The following PDE7A variants were observed in gnomAD, a reference collection of about 807,000 sequenced individuals.
The protein encoded by PDE7A is phosphodiesterase 7A, also known as high affinity 3',5'-cyclic-AMP phosphodiesterase 7A.
In PDE7A, 39 loss-of-function variants were observed where a neutral mutation model predicts 64.3. That is an observed-to-expected ratio of 0.61 (90% confidence interval 0.47 to 0.79). The LOEUF (loss-of-function observed/expected upper bound fraction) is 0.79. Among genes scored for constraint, PDE7A ranks in the 30% least tolerant of loss-of-function variants. The probability of loss-of-function intolerance (pLI) is 0.00; values close to 1 mark genes in which losing one functional copy is unlikely to be tolerated. For synonymous variants in PDE7A, 203 were observed against 206.8 expected (o/e 0.98, Z 0.16); for missense variants, 470 against 582.8 (o/e 0.81, Z 1.99).
chr8:65,788,439 T>C (rs1463291143), intron 1 of PDE7A, among the ~76,000 whole-genome samples: 1 of 152,198 alleles, frequency 6.6e-6, no homozygotes, highest in Non-Finnish European at 1.5e-5. Flanking sequence ...GGAGAAAACA[T>C]GATAGACGGT....
intron 3 of PDE7A, among the ~76,000 whole-genome samples, chr8:65,774,138 G>A (rs528794393): frequency 1.3e-5 from 2 of 152,282 alleles, no homozygotes; most frequent in South Asian, 4.1e-4. Flanking sequence ...TATCCTGGAA[G>A]CAACCAATGT....
chr8:65,838,798 T>G (rs538754233), intron 1 of PDE7A: 2 of 152,236 alleles, frequency 1.3e-5, no homozygotes, highest in Non-Finnish European at 2.9e-5. Context: ...GCTGTCAGTG[T>G]GAACTGACTC....
At position 65,715,605 on chromosome 8, in the gene PDE7A, C is replaced by T. The variant is rs192570093; in HGVS notation, c.*3685G>A. Among the ~76,000 whole-genome samples, 6,243 of 150,246 alleles carry T rather than the reference C, an allele frequency of 0.042. 191 individuals carry two copies. The highest frequency in any genetic ancestry group is 0.063 in the Non-Finnish European group (4,209 of 67,342). ...GTTGGCCAGACTGGTCTCGAACTCC[C>T]GACCTCAGGTGATCCACCCACCTCA... On this transcript the variant is annotated 3_prime_UTR_variant, in exon 13 of 13. Transcript: ENST00000401827.
intron 3 of PDE7A, among the ~76,000 whole-genome samples, chr8:65,775,166 C>T (rs1010389859): frequency 3.9e-5 from 6 of 152,172 alleles, no homozygotes; most frequent in South Asian, 2.1e-4. Flanking sequence ...TGAGTATGCA[C>T]GTTAGCTCCA....
At chr8:65,744,561 A>AC (rs754636067) in intron 5 of PDE7A, among the ~76,000 whole-genome samples, 1 of 152,138 alleles carries the variant, frequency 6.6e-6, no homozygotes, top group Non-Finnish European at 1.5e-5. Context: ...CCCCCAAACC[A>AC]CCCATACTCT....
At chr8:65,767,287 A>G (rs1808838452) in intron 3 of PDE7A, among the ~76,000 whole-genome samples, 1 of 152,200 alleles carries the variant, frequency 6.6e-6, no homozygotes, top group African/African-American at 2.4e-5. Context: ...TTTATGGATT[A>G]GTTGTCATGA....
At position 65,745,471 on chromosome 8, in the gene PDE7A, C is replaced by T. The variant is rs1385226064; in HGVS notation, c.436-1G>A. Reference sequence around the variant, plus strand: ...AATTTCCAACTTTTTCCAGCATACACTGAAATGAAAACCAAACATTTCTAC... The same window carrying T: ...AATTTCCAACTTTTTCCAGCATACATTGAAATGAAAACCAAACATTTCTAC... On this transcript the variant is annotated splice_acceptor_variant, in intron 4 of 12. Transcript: ENST00000401827. LOFTEE classifies it high-confidence loss of function. 2 of 1,529,636 alleles carry T rather than the reference C, an allele frequency of 1.3e-6. No homozygotes were observed. Among genetic ancestry groups the T allele is most frequent in the African/African-American group, 1.4e-5 (1 of 73,418 alleles). 94.8% of individuals were successfully genotyped at this position (1,529,636 alleles called of 1,614,324 possible). A position where few individuals can be genotyped will look rare whatever the true frequency, so the allele number is the denominator to read the frequency against.
chr8:65,757,317 C>A (rs1309418795), intron 3 of PDE7A, among the ~76,000 whole-genome samples: 1 of 152,246 alleles, frequency 6.6e-6, no homozygotes, highest in Non-Finnish European at 1.5e-5. Flanking sequence ...ATGGAAGTTA[C>A]AAGCCAGGAA....
chr8:65,794,981 C>T (rs749746009), intron 1 of PDE7A, among the ~76,000 whole-genome samples: 12 of 152,146 alleles, frequency 7.9e-5, no homozygotes, highest in Non-Finnish European at 1.5e-4. Context: ...TTGTCAGGTA[C>T]AGGCAGTGGG....
At chr8:65,836,989 C>T (rs1810964970) in intron 1 of PDE7A, among the ~76,000 whole-genome samples, 1 of 152,234 alleles carries the variant, frequency 6.6e-6, no homozygotes. Context: ...TCAACGATTA[C>T]ATAAGGCTAA....
rs1453176728 is a variant in PDE7A, at chr8:65,715,837, A to C, written c.*3453T>G. On this transcript the variant is annotated 3_prime_UTR_variant, in exon 13 of 13. Coordinates refer to ENST00000401827, the MANE Select transcript of PDE7A (RefSeq NM_001242318.3). ...TAACTCTACTAATAAAGTACAAAAA[A>C]ATTAGCAGGGCCTGGTGGCGGGCGC... is the stretch of plus-strand genomic sequence containing the variant. 1.3e-5 allele frequency among the ~76,000 whole-genome samples: 2 copies of C among 150,402 alleles called. No homozygotes were observed. Among genetic ancestry groups the C allele is most frequent in the Non-Finnish European group, 3.0e-5 (2 of 67,538 alleles).
chr8:65,715,458 A>G lies in PDE7A; in HGVS notation c.*3832T>C, dbSNP rs1055407207. On this transcript the variant is annotated 3_prime_UTR_variant, in exon 13 of 13. Coordinates refer to ENST00000401827, the MANE Select transcript of PDE7A (RefSeq NM_001242318.3). ...AGTAGCACAATCTCTGCTCCTTGCA[A>G]CCTCCGCCACCTGGGTTCAAGCAAT... 6.6e-6 allele frequency among the ~76,000 whole-genome samples: 1 copy of G among 151,084 alleles called. No homozygotes were observed.
intron 5 of PDE7A, among the ~76,000 whole-genome samples, chr8:65,743,347 TC>T (rs1205123073): frequency 1.3e-5 from 2 of 152,282 alleles, no homozygotes; most frequent in East Asian, 3.9e-4. Context: ...TCAGAGCCTT[TC>T]CTGTGTGTAC....
chr8:65,832,984 C>G (rs1032830144), intron 1 of PDE7A, among the ~76,000 whole-genome samples: 1 of 152,196 alleles, frequency 6.6e-6, no homozygotes, highest in African/African-American at 2.4e-5. Context: ...CCCATTTCCA[C>G]TACTTAATTG....
intron 1 of PDE7A, among the ~76,000 whole-genome samples, chr8:65,795,331 A>G (rs901754594): frequency 1.6e-4 from 25 of 152,232 alleles, no homozygotes; most frequent in African/African-American, 5.5e-4. Context: ...TCACAAAGCT[A>G]AGGACACAGA....
chr8:65,783,264 G>A (rs1172742267), intron 1 of PDE7A, among the ~76,000 whole-genome samples: 4 of 152,142 alleles, frequency 2.6e-5, no homozygotes, highest in South Asian at 4.1e-4. Context: ...TCACATAAAA[G>A]CAAAAGTAAG....
intron 7 of PDE7A, chr8:65,728,139 T>G (rs1420540660): frequency 6.6e-6 from 1 of 152,196 alleles, no homozygotes; most frequent in Non-Finnish European, 1.5e-5. Flanking sequence ...CATGGTATTA[T>G]TTAGGTTTAC....
intron 3 of PDE7A, among the ~76,000 whole-genome samples, chr8:65,760,484 G>A (rs1808435511): frequency 6.6e-6 from 1 of 152,150 alleles, no homozygotes; most frequent in Admixed American, 6.5e-5. Flanking sequence ...ACAAGGAATA[G>A]GAGTGCACTT....
chr8:65,744,182 T>A (rs1807567563), intron 5 of PDE7A, among the ~76,000 whole-genome samples: 1 of 151,816 alleles, frequency 6.6e-6, no homozygotes, highest in South Asian at 2.1e-4. Context: ...AACAAAATAT[T>A]TCAAATAAGA....
Sources: allele counts gnomAD v4.1 joint callset (sites outside exome capture counted in the v4.1 genomes callset), GRCh38; gene constraint gnomAD v4.1.1; transcripts MANE v1.5; gene names NCBI Gene and HGNC (gene_info 2026-07-23, HGNC 2026-07-21).